DMRT1: variants seen among roughly 807,000 people sequenced by gnomAD.
DMRT1 encodes the protein doublesex- and mab-3-related transcription factor 1.
Under a neutral mutation model 32.3 loss-of-function variants are expected in DMRT1, and 7 were observed. That is an observed-to-expected ratio of 0.22 (90% CI 0.12 to 0.41). DMRT1 has a LOEUF of 0.41. Ranked by LOEUF, DMRT1 falls within the 10% of genes least tolerant of loss-of-function variation. The probability of loss-of-function intolerance (pLI) is 1.00; values close to 1 mark genes in which losing one functional copy is unlikely to be tolerated. For synonymous variants in DMRT1, 278 were observed against 206.1 expected, an observed-to-expected ratio of 1.35 and a Z score of -2.99; for missense variants, 625 against 500.5, an observed-to-expected ratio of 1.25 and a Z score of -2.37.
At chr9:948,715 A>G (rs1011530679) in intron 4 of DMRT1, among the ~76,000 whole-genome samples, 3 of 152,042 alleles carry the variant, frequency 2.0e-5, no homozygotes, top group Non-Finnish European at 4.4e-5. Flanking sequence ...GCCACCCAAC[A>G]CTTTACTCCA....
chr9:846,094 C>T (rs1244810443), intron 1 of DMRT1, among the ~76,000 whole-genome samples: 5 of 149,902 alleles, frequency 3.3e-5, no homozygotes, highest in African/African-American at 7.4e-5. Context: ...TGCAGTGTCG[C>T]GATCTCGGCT....
At chr9:886,561 G>A (rs1329927657) in intron 2 of DMRT1, among the ~76,000 whole-genome samples, 1 of 151,984 alleles carries the variant, frequency 6.6e-6, no homozygotes, top group Non-Finnish European at 1.5e-5. Context: ...CGGCCAAACT[G>A]TCACTTCTTA....
intron 1 of DMRT1, among the ~76,000 whole-genome samples, chr9:845,786 C>G (rs953143072): frequency 6.6e-6 from 1 of 152,194 alleles, no homozygotes; most frequent in Non-Finnish European, 1.5e-5. Flanking sequence ...CCTGCCTTTC[C>G]TGCCCACCCT....
intron 2 of DMRT1, among the ~76,000 whole-genome samples, chr9:850,362 G>A (rs533948253): frequency 6.6e-6 from 1 of 152,204 alleles, no homozygotes; most frequent in Non-Finnish European, 1.5e-5. Context: ...GGAGAGTCCT[G>A]AAGCTTGTAT....
chr9:909,992 G>A (rs921092235), intron 3 of DMRT1, among the ~76,000 whole-genome samples: 1 of 152,286 alleles, frequency 6.6e-6, no homozygotes, highest in Middle Eastern at 3.4e-3. Context: ...AGATTTACAG[G>A]TGTGAGCCAT....
intron 4 of DMRT1, among the ~76,000 whole-genome samples, chr9:938,891 A>G (rs1818971299): frequency 6.6e-6 from 1 of 152,220 alleles, no homozygotes; most frequent in African/African-American, 2.4e-5. Context: ...TACGACCGTG[A>G]TCATGTTGAA....
At position 841,866 on chromosome 9, in the gene DMRT1, C is replaced by T. The variant is rs139583942; in HGVS notation, c.28C>T (p.Pro10Ser). 90 of 1,612,684 alleles carry T rather than the reference C, an allele frequency of 5.6e-5. No individual in the cohort carries two copies. Among genetic ancestry groups the T allele is most frequent in the African/African-American group, 4.8e-4 (36 of 74,922 alleles). ...GCCCAACGACGAGGCATTCAGCAAG[C>T]CCTCTACACCGTCGGAAGCCCCTCA... The part of the protein sequence containing the change: MPNDEAFSK[P>S]STPSEAPHAP... Residue 10 changes from proline (P) to serine (S), a missense_variant, in exon 1 of 5, where the codon CCC becomes TCC. Physicochemically the swap from Pro to Ser is moderately conservative, Grantham distance 74. Coordinates refer to ENST00000382276, the MANE Select transcript of DMRT1 (RefSeq NM_021951.3).
chr9:910,145 A>G (rs1817922812), intron 3 of DMRT1, among the ~76,000 whole-genome samples: 1 of 152,208 alleles, frequency 6.6e-6, no homozygotes, highest in Admixed American at 6.5e-5. Flanking sequence ...AAGCTGAATG[A>G]AGCTCTAGAG....
At chr9:912,230 C>T (rs1818015943) in intron 3 of DMRT1, among the ~76,000 whole-genome samples, 1 of 152,198 alleles carries the variant, frequency 6.6e-6, no homozygotes, top group Non-Finnish European at 1.5e-5. Flanking sequence ...ATTGGGGCAA[C>T]CGCCCCCATG....
At chr9:959,396 A>C (rs1337017299) in intron 4 of DMRT1, among the ~76,000 whole-genome samples, 1 of 152,218 alleles carries the variant, frequency 6.6e-6, no homozygotes, top group African/African-American at 2.4e-5. Context: ...GGTGTGTTTG[A>C]TGCTGCTTTT....
chr9:919,860 C>G (rs538424360), intron 4 of DMRT1, among the ~76,000 whole-genome samples: 1 of 152,124 alleles, frequency 6.6e-6, no homozygotes, highest in East Asian at 1.9e-4. Flanking sequence ...ATAGAACCAA[C>G]AAGATTTGCT....
chr9:869,268 C>G (rs543171767), intron 2 of DMRT1, among the ~76,000 whole-genome samples: 14 of 152,264 alleles, frequency 9.2e-5, no homozygotes, highest in African/African-American at 3.4e-4. Flanking sequence ...GCAATGGAGA[C>G]CATGCCAGAT....
chr9:934,324 C>T (rs1818817950), intron 4 of DMRT1, among the ~76,000 whole-genome samples: 1 of 152,030 alleles, frequency 6.6e-6, no homozygotes, highest in Non-Finnish European at 1.5e-5. Context: ...TGATGAAGCC[C>T]AGTTTGTTTT....
intron 2 of DMRT1, among the ~76,000 whole-genome samples, chr9:876,110 A>G (rs903392306): frequency 1.3e-5 from 2 of 152,154 alleles, no homozygotes; most frequent in East Asian, 1.9e-4. Context: ...TAGGGACACA[A>G]TTGAGAGCTG....
chr9:880,553 C>A (rs755244863), intron 2 of DMRT1, among the ~76,000 whole-genome samples: 2 of 151,456 alleles, frequency 1.3e-5, no homozygotes, highest in African/African-American at 2.4e-5. Flanking sequence ...ATGGTGAATC[C>A]CTGTCTCTAC....
chr9:868,998 G>A (rs986318452), intron 2 of DMRT1, among the ~76,000 whole-genome samples: 4 of 152,064 alleles, frequency 2.6e-5, no homozygotes, highest in Non-Finnish European at 5.9e-5. Flanking sequence ...GTGACAGAGT[G>A]AGACACTATC....
chr9:846,630 G>A (rs1057349730), intron 1 of DMRT1, among the ~76,000 whole-genome samples: 2 of 152,128 alleles, frequency 1.3e-5, no homozygotes, highest in African/African-American at 4.8e-5. Context: ...TCCCAGGCTG[G>A]AGTGCAGTGG....
Position 877,063 on chromosome 9 carries a change from C to G in DMRT1, c.539-16849C>G, listed in dbSNP as rs535707649. Among the ~76,000 whole-genome samples the G allele has an allele frequency of 1.9e-4, 29 of 152,260 alleles. 3 individuals are homozygous for G. In the South Asian group the frequency reaches 5.6e-3, roughly 30 times the overall value. ...ACTTGAACCTCTCTGGGTGTAGAAACAAGGGATGAAATTACCTCCAAGGAC... is the reference window on the plus strand; with the variant it reads ...ACTTGAACCTCTCTGGGTGTAGAAAGAAGGGATGAAATTACCTCCAAGGAC... On this transcript the variant is annotated intron_variant, in intron 2 of 4. Coordinates refer to ENST00000382276, the MANE Select transcript of DMRT1 (RefSeq NM_021951.3).
At chr9:870,265 G>C (rs969497042) in intron 2 of DMRT1, among the ~76,000 whole-genome samples, 28 of 152,170 alleles carry the variant, frequency 1.8e-4, no homozygotes, top group African/African-American at 6.5e-4. Context: ...TGGGCGTGGT[G>C]ACGTGCACCT....
Sources: allele counts gnomAD v4.1 joint callset (sites outside exome capture counted in the v4.1 genomes callset), GRCh38; gene constraint gnomAD v4.1.1; transcripts MANE v1.5; gene names NCBI Gene and HGNC (gene_info 2026-07-23, HGNC 2026-07-21).